Variants in C1orf198 observed in about 807,000 individuals in gnomAD.
The protein encoded by C1orf198 is uncharacterized protein C1orf198.
C1orf198 carries 17 observed loss-of-function variants against 31.4 expected under a neutral mutation model. That is an observed-to-expected ratio of 0.54 (90% CI 0.37 to 0.81). C1orf198 has a LOEUF of 0.81. C1orf198 is among the 40% of genes least tolerant of loss of function. The pLI, the probability that C1orf198 is intolerant of heterozygous loss-of-function variation, is 0.00. For synonymous variants in C1orf198, 175 were observed against 193.8 expected (o/e 0.90, Z 0.81); for missense variants, 401 against 450.3 (o/e 0.89, Z 0.99).
intron 1 of C1orf198, among the ~76,000 whole-genome samples, chr1:230,863,728 C>A (rs572384618): frequency 1.3e-5 from 2 of 152,324 alleles, no homozygotes; most frequent in East Asian, 3.9e-4. Flanking sequence ...GCTCACAGAA[C>A]AGGCCCGACC....
At chr1:230,858,561 C>T (rs369206012) in intron 1 of C1orf198, among the ~76,000 whole-genome samples, 19 of 152,002 alleles carry the variant, frequency 1.2e-4, no homozygotes, top group African/African-American at 3.6e-4. Flanking sequence ...TTGGATCTTT[C>T]GAAAAAGGTA....
chr1:230,849,007 A>G (rs1669663885), intron 2 of C1orf198, among the ~76,000 whole-genome samples: 1 of 152,228 alleles, frequency 6.6e-6, no homozygotes, highest in African/African-American at 2.4e-5. Flanking sequence ...ACCAGGACAG[A>G]GCGAAAAGTG....
In C1orf198 at chr1:230,838,243, C is replaced by G. The variant is rs1489520302; in HGVS notation, c.*1609G>C. On this transcript the variant is annotated 3_prime_UTR_variant, in exon 4 of 4. Transcript: ENST00000366663. This position sits in a 1 kb window ranked among gnomAD's most constrained non-coding sequence, Gnocchi z 4.2. ...CCTTTTTTTGCCTCACATATATCAA[C>G]TATACTTAAATGGTACAGAAAGAAC... 6.6e-6 allele frequency: 1 copy of G among 152,182 alleles called. No homozygotes were observed. Among genetic ancestry groups the G allele is most frequent in the East Asian group, 1.9e-4 (1 of 5,202 alleles). 9.4% of individuals were successfully genotyped at this position (152,182 alleles called of 1,614,324 possible). A position where few individuals can be genotyped will look rare whatever the true frequency, so the allele number is the denominator to read the frequency against.
intron 2 of C1orf198, among the ~76,000 whole-genome samples, chr1:230,849,986 C>A: frequency 6.6e-6 from 1 of 152,158 alleles, no homozygotes; most frequent in East Asian, 1.9e-4. Context: ...ACATCCACCC[C>A]GTCAGCCTCT....
intron 3 of C1orf198, among the ~76,000 whole-genome samples, chr1:230,842,862 C>A (rs1189875713): frequency 1.3e-5 from 2 of 152,332 alleles, no homozygotes; most frequent in South Asian, 4.1e-4. Flanking sequence ...CTCAGCAAGG[C>A]AGCCAGGAGC....
At position 230,854,610 on chromosome 1, in the gene C1orf198, G is replaced by A. The variant is rs529001941; in HGVS notation, c.384+1058C>T. Among the ~76,000 whole-genome samples the A allele has an allele frequency of 8.5e-5, 13 of 152,200 alleles. No individual in the cohort carries two copies. In the South Asian group the frequency reaches 1.5e-3, roughly 17 times the overall value. ...CATCTCAATTGTCCCACGCTCCCAC[G>A]CCCTGAGGCCAGCTCACTTCACCCA... On this transcript the variant is annotated intron_variant, in intron 2 of 3. Coordinates refer to ENST00000366663, the MANE Select transcript of C1orf198 (RefSeq NM_032800.3).
At chr1:230,852,718 T>TA (rs1032570116) in intron 2 of C1orf198, among the ~76,000 whole-genome samples, 53 of 152,188 alleles carry the variant, frequency 3.5e-4, no homozygotes, top group African/African-American at 1.3e-3. Context: ...AAATAAAACT[T>TA]AAAAAAATCA....
intron 1 of C1orf198, 87 bp from the exon 2 acceptor site, chr1:230,855,805 A>C (rs1669856181): frequency 6.5e-7 from 1 of 1,545,006 alleles, no homozygotes; most frequent in African/African-American, 1.4e-5. Context: ...GGGGAACCAA[A>C]ACTTAGGAAT....
At chr1:230,868,729 ACC>A (rs1217254676), upstream of C1orf198, 1 of 61,464 alleles carries the variant, frequency 1.6e-5, no homozygotes, top group African/African-American at 1.7e-4. Flanking sequence ...CCCCCCCGCC[ACC>A]CCCTCGCGGA....
At chr1:230,863,756 C>T (rs6699891) in intron 1 of C1orf198, among the ~76,000 whole-genome samples, 20,532 of 152,158 alleles carry the variant, frequency 0.13, 1,483 homozygotes, top group South Asian at 0.2. Flanking sequence ...CCTCTCAGCC[C>T]GTGGAACTGG....
rs1028417047 is a variant in C1orf198, at chr1:230,839,635, G to A, written c.*217C>T. On this transcript the variant is annotated 3_prime_UTR_variant, in exon 4 of 4. Coordinates refer to ENST00000366663, the MANE Select transcript of C1orf198 (RefSeq NM_032800.3). Reference sequence around the variant, plus strand: ...TAACAGACCTTAAAAATTCCAAATGGAAAACTTCTGTTATCAAATCACTGA... The same window carrying A: ...TAACAGACCTTAAAAATTCCAAATGAAAAACTTCTGTTATCAAATCACTGA... 9 of 473,580 alleles carry A rather than the reference G, an allele frequency of 1.9e-5. No individual in the cohort carries two copies. Among genetic ancestry groups the A allele is most frequent in the African/African-American group, 1.9e-4 (9 of 48,360 alleles). The allele number at this position is 473,580 out of a possible 1,614,324, so 29.3% of individuals were successfully genotyped here.
intron 2 of C1orf198, among the ~76,000 whole-genome samples, chr1:230,847,283 AAAAAAAAAAG>A (rs929602390): frequency 4.0e-5 from 6 of 151,804 alleles, no homozygotes; most frequent in African/African-American, 1.5e-4. Context: ...TGTCTCAAAA[AAAAAAAAAAG>A]AAAAAAAAGA....
intron 1 of C1orf198, among the ~76,000 whole-genome samples, chr1:230,867,685 T>C (rs1244641456): frequency 6.6e-6 from 1 of 152,190 alleles, no homozygotes; most frequent in African/African-American, 2.4e-5. Flanking sequence ...ATCACAAGTA[T>C]TCATGTTAGT....
intron 2 of C1orf198, among the ~76,000 whole-genome samples, chr1:230,854,222 C>T (rs1408861781): frequency 6.6e-6 from 1 of 152,090 alleles, no homozygotes; most frequent in East Asian, 1.9e-4. Context: ...GGTCACCATA[C>T]CCAAGGCTGC....
rs768360362 is a variant in C1orf198 at position 230,843,523 on chromosome 1, C to T, written c.758G>A (p.Arg253His). 25 of 1,611,834 alleles carry T rather than the reference C, an allele frequency of 1.6e-5. No individual in the cohort carries two copies. The highest frequency in any genetic ancestry group is 6.7e-5 in the East Asian group (3 of 44,836). The stretch of plus-strand genomic sequence containing the variant: ...TTCGGTGCTCACGTTGGGAAGAGGA[C>T]GCTGCTCCTGACGGAGGGTGCTGGG... ...ERPSTLRQEQ[R>H]PLPNVSTERE... The change falls in exon 3 of 4, where the codon CGT (arginine) becomes CAT (histidine). Residue 253 changes from arginine (R) to histidine (H), a missense_variant. Arg to His is a conservative substitution (Grantham distance 29). Transcript: ENST00000366663. The surrounding 1 kb of genome is among the most constrained non-coding windows in gnomAD (Gnocchi z 4.9).
chr1:230,868,503 T>C lies in C1orf198; in HGVS notation c.10A>G (p.Met4Val), dbSNP rs1174913951. MAS[M>V]AAAIAASRSA... ...CGCGAAGCCGCGATCGCCGCCGCCA[T>C]GGACGCCATGCCCGGCCTGCCCGCC... The change falls in exon 1 of 4, where the codon ATG (methionine) becomes GTG (valine). Residue 4 changes from methionine to valine, a missense_variant. Physicochemically the swap from Met to Val is conservative, Grantham distance 21. Transcript: ENST00000366663. The C allele has an allele frequency of 7.6e-6, 11 of 1,445,384 alleles. No individual in the cohort carries two copies. Among genetic ancestry groups the C allele is most frequent in the African/African-American group, 4.4e-5 (3 of 68,354 alleles). 89.5% of individuals were successfully genotyped at this position (1,445,384 alleles called of 1,614,324 possible). A position where few individuals can be genotyped will look rare whatever the true frequency, so the allele number is the denominator to read the frequency against.
chr1:230,841,633 A>G (rs1669443915), intron 3 of C1orf198, among the ~76,000 whole-genome samples: 1 of 152,230 alleles, frequency 6.6e-6, no homozygotes, highest in South Asian at 2.1e-4. Flanking sequence ...GACACAGAAA[A>G]TAACAAGTGT....
chr1:230,842,622 C>A (rs1669472251), intron 3 of C1orf198, among the ~76,000 whole-genome samples: 1 of 151,758 alleles, frequency 6.6e-6, no homozygotes, highest in African/African-American at 2.4e-5. Flanking sequence ...GGATAAAAAA[C>A]TACAAATTGG....
chr1:230,852,592 G>A (rs1669773753), intron 2 of C1orf198, among the ~76,000 whole-genome samples: 1 of 152,136 alleles, frequency 6.6e-6, no homozygotes, highest in Non-Finnish European at 1.5e-5. Context: ...GAGTTCTCGA[G>A]ATGGATGATG....
Sources: gnomAD v4.1 joint callset for allele counts (sites outside exome capture counted in the v4.1 genomes callset) on GRCh38, gnomAD v4.1.1 for gene constraint, Gnocchi (gnomAD v3.1) non-coding constraint, MANE v1.5 for transcripts, NCBI Gene and HGNC (gene_info 2026-07-23, HGNC 2026-07-21) for gene names.